IMMP2L: variants seen among roughly 807,000 people sequenced by gnomAD.
IMMP2L encodes the protein inner mitochondrial membrane peptidase subunit 2.
Under a neutral mutation model 19.3 loss-of-function variants are expected in IMMP2L, and 18 were observed. The observed-to-expected ratio is 0.93, with a 90% CI of 0.64 to 1.38. The LOEUF (loss-of-function observed/expected upper bound fraction) is 1.38. Among genes scored for constraint, IMMP2L ranks in the 40% most tolerant of loss-of-function variants. The probability of loss-of-function intolerance (pLI) is 0.00; values close to 1 mark genes in which losing one functional copy is unlikely to be tolerated. For missense variants in IMMP2L, 233 were observed against 218.2 expected, an observed-to-expected ratio of 1.07 and a Z score of -0.43; for synonymous variants, 76 against 73.0, an observed-to-expected ratio of 1.04 and a Z score of -0.21.
chr7:111,252,559 A>G (rs1353511398), intron 3 of IMMP2L, among the ~76,000 whole-genome samples: 1 of 152,186 alleles, frequency 6.6e-6, no homozygotes, highest in Admixed American at 6.5e-5. Flanking sequence ...ATAATTTGGA[A>G]TGGGAAGCAG....
intron 4 of IMMP2L, among the ~76,000 whole-genome samples, chr7:110,933,155 G>C (rs769844918): frequency 1.3e-5 from 2 of 152,176 alleles, no homozygotes; most frequent in African/African-American, 4.8e-5. Flanking sequence ...GCTACACAGA[G>C]AAACAGACCT....
chr7:111,056,146 AGCATG>A (rs2129573971), intron 3 of IMMP2L, among the ~76,000 whole-genome samples: 1 of 152,382 alleles, frequency 6.6e-6, no homozygotes, highest in Non-Finnish European at 1.5e-5. Flanking sequence ...ATATCTATTT[AGCATG>A]GCATAGCATT....
At chr7:111,295,827 C>T (rs1821570495) in intron 3 of IMMP2L, among the ~76,000 whole-genome samples, 1 of 151,432 alleles carries the variant, frequency 6.6e-6, no homozygotes, top group Non-Finnish European at 1.5e-5. Context: ...GTAACAATCA[C>T]TTGGAGGTTC....
intron 3 of IMMP2L, among the ~76,000 whole-genome samples, chr7:111,349,619 T>C (rs1827934144): frequency 2.0e-5 from 3 of 152,090 alleles, no homozygotes; most frequent in African/African-American, 7.2e-5. Flanking sequence ...TCACTAAGAA[T>C]GCCTGTAGAG....
At chr7:111,445,268 G>A (rs1474305942) in intron 3 of IMMP2L, among the ~76,000 whole-genome samples, 1 of 151,874 alleles carries the variant, frequency 6.6e-6, no homozygotes, top group African/African-American at 2.4e-5. Flanking sequence ...AAAAAAAAAT[G>A]AAATCTCATA....
At chr7:111,490,973 C>T (rs1430472561) in intron 2 of IMMP2L, among the ~76,000 whole-genome samples, 4 of 151,890 alleles carry the variant, frequency 2.6e-5, no homozygotes, top group African/African-American at 4.8e-5. Flanking sequence ...AGTGTGCCTG[C>T]CTCTCCTGCT....
At chr7:111,058,788 C>A (rs571015007) in intron 3 of IMMP2L, among the ~76,000 whole-genome samples, 4 of 152,192 alleles carry the variant, frequency 2.6e-5, no homozygotes, top group East Asian at 1.9e-4. Context: ...AATGACCCAG[C>A]CTTTACTGAC....
rs184869019 is a variant in IMMP2L, at chr7:111,084,745, A to G, written c.240-121180T>C. 2.1e-3 allele frequency among the ~76,000 whole-genome samples: 313 copies of G among 152,298 alleles called. 2 individuals are homozygous for G. The South Asian group carries it at 0.023, about 11-fold the overall frequency. ...GGGAGGGCACTGGTTGAGATTCCAA[A>G]GCAGAATTTCAGTAACAAGTTTGGA... On this transcript the variant is annotated intron_variant, in intron 3 of 5. Transcript: ENST00000405709.
chr7:110,793,711 G>T (rs1219984131), intron 5 of IMMP2L, among the ~76,000 whole-genome samples: 1 of 152,058 alleles, frequency 6.6e-6, no homozygotes, highest in Non-Finnish European at 1.5e-5. Flanking sequence ...CTGGAAATTT[G>T]CTGAGAGAGT....
intron 3 of IMMP2L, among the ~76,000 whole-genome samples, chr7:111,314,847 G>A (rs1823880896): frequency 6.6e-6 from 1 of 152,080 alleles, no homozygotes; most frequent in East Asian, 1.9e-4. Flanking sequence ...GAATATAATT[G>A]CAAGGGTAGT....
In IMMP2L at chr7:110,872,068, T is replaced by C. The variant is rs565297414; in HGVS notation, c.408+14525A>G. Reference sequence around the variant, plus strand: ...AAACACCAATCTCCTGTTTGTTAAATAGTGCAAATCACCCTTTGTCATTTT... The same window carrying C: ...AAACACCAATCTCCTGTTTGTTAAACAGTGCAAATCACCCTTTGTCATTTT... On this transcript the variant is annotated intron_variant, in intron 5 of 5. Transcript: ENST00000405709. 1.5e-4 allele frequency among the ~76,000 whole-genome samples: 23 copies of C among 152,294 alleles called. No individual in the cohort carries two copies. The East Asian group carries it at 3.5e-3, about 23-fold the overall frequency.
At chr7:111,178,508 C>G (rs1807332127) in intron 3 of IMMP2L, among the ~76,000 whole-genome samples, 1 of 151,976 alleles carries the variant, frequency 6.6e-6, no homozygotes, top group African/African-American at 2.4e-5. Flanking sequence ...TTTTTTGCAG[C>G]ACATGATGCT....
At chr7:111,345,276 T>C (rs1166602314) in intron 3 of IMMP2L, among the ~76,000 whole-genome samples, 1 of 152,120 alleles carries the variant, frequency 6.6e-6, no homozygotes, top group Non-Finnish European at 1.5e-5. Flanking sequence ...CATCAAACTA[T>C]TTTAGTTGTG....
intron 3 of IMMP2L, among the ~76,000 whole-genome samples, chr7:111,480,550 C>A (rs1585278364): frequency 2.0e-5 from 2 of 97,808 alleles, no homozygotes. Context: ...TTGAAAGTAC[C>A]AAAAATAAAC....
chr7:111,101,674 A>G (rs1200084419), intron 3 of IMMP2L, among the ~76,000 whole-genome samples: 2 of 151,464 alleles, frequency 1.3e-5, no homozygotes, highest in African/African-American at 4.8e-5. Context: ...TTCAATAGGT[A>G]TATTGTCTTG....
intron 3 of IMMP2L, among the ~76,000 whole-genome samples, chr7:111,381,642 G>A (rs111719908): frequency 2.0e-4 from 30 of 151,992 alleles, no homozygotes; most frequent in Middle Eastern, 3.4e-3. Context: ...GGTGAGAGAG[G>A]ACAGTCTCAG....
chr7:111,308,371 T>C (rs1823115902), intron 3 of IMMP2L, among the ~76,000 whole-genome samples: 2 of 151,946 alleles, frequency 1.3e-5, no homozygotes, highest in Admixed American at 6.6e-5. Flanking sequence ...TTGGGTCTTA[T>C]TGGTGATGTA....
intron 5 of IMMP2L, among the ~76,000 whole-genome samples, chr7:110,818,869 C>A (rs543267514): frequency 6.8e-6 from 1 of 147,908 alleles, no homozygotes; most frequent in East Asian, 2.0e-4. Flanking sequence ...GACAAAAAAC[C>A]AAACACCGCA....
intron 3 of IMMP2L, among the ~76,000 whole-genome samples, chr7:111,181,434 C>G (rs1807695952): frequency 6.6e-6 from 1 of 151,958 alleles, no homozygotes; most frequent in Non-Finnish European, 1.5e-5. Context: ...CTGTCTTGTT[C>G]ATTATTACCA....
Sources: allele counts gnomAD v4.1 joint callset (sites outside exome capture counted in the v4.1 genomes callset), GRCh38; gene constraint gnomAD v4.1.1; transcripts MANE v1.5; gene names NCBI Gene and HGNC (gene_info 2026-07-23, HGNC 2026-07-21).